Variants in ITGA1 observed in about 807,000 individuals in gnomAD.
The protein encoded by ITGA1 is integrin alpha-1.
ITGA1 carries 85 observed loss-of-function variants against 145.9 expected under a neutral mutation model. The observed-to-expected ratio is 0.58, with a 90% CI of 0.49 to 0.70. The LOEUF (loss-of-function observed/expected upper bound fraction) is 0.70, where lower values mean the gene tolerates loss of function less well. ITGA1 is among the 30% of genes least tolerant of loss of function. ITGA1 has a pLI of 0.00. For synonymous variants in ITGA1, 520 were observed against 495.3 expected, an observed-to-expected ratio of 1.05 and a Z score of -0.66; for missense variants, 1,351 against 1,418.7, an observed-to-expected ratio of 0.95 and a Z score of 0.77.
chr5:52,806,215 TGTAAAA>T (rs545136209), intron 1 of ITGA1, among the ~76,000 whole-genome samples: 160 of 111,458 alleles, frequency 1.4e-3, no homozygotes, highest in African/African-American at 6.2e-3. Flanking sequence ...AGAAATTTAG[TGTAAAA>T]GTGTTACACA....
At chr5:52,793,812 T>C (rs951943144) in intron 1 of ITGA1, among the ~76,000 whole-genome samples, 19 of 152,028 alleles carry the variant, frequency 1.2e-4, no homozygotes, top group Admixed American at 8.5e-4. Flanking sequence ...AAATGCTCTA[T>C]CTTTAGAAGA....
intron 1 of ITGA1, among the ~76,000 whole-genome samples, chr5:52,809,803 T>G (rs1748657347): frequency 6.6e-6 from 1 of 152,130 alleles, no homozygotes. Flanking sequence ...GCACCTGGCC[T>G]CAACTTCACT....
chr5:52,867,891 A>G (rs1197594178), intron 6 of ITGA1, among the ~76,000 whole-genome samples: 1 of 151,948 alleles, frequency 6.6e-6, no homozygotes, highest in East Asian at 1.9e-4. Context: ...GAAGCTTCAG[A>G]GCCAGTACCA....
intron 1 of ITGA1, among the ~76,000 whole-genome samples, chr5:52,810,690 A>G (rs1748671136): frequency 6.6e-6 from 1 of 152,218 alleles, no homozygotes; most frequent in Non-Finnish European, 1.5e-5. Context: ...GTAGGTTTTC[A>G]AGAGAATGAG....
At chr5:52,832,420 G>T (rs971094830) in intron 1 of ITGA1, among the ~76,000 whole-genome samples, 2 of 152,150 alleles carry the variant, frequency 1.3e-5, no homozygotes, top group Non-Finnish European at 2.9e-5. Context: ...GAGTAGAATA[G>T]ATGCCAAAAA....
chr5:52,826,576 T>C (rs1580050049), intron 1 of ITGA1, among the ~76,000 whole-genome samples: 1 of 152,294 alleles, frequency 6.6e-6, no homozygotes, highest in South Asian at 2.1e-4. Flanking sequence ...GAGAAGTCAG[T>C]CTGGATTCAA....
chr5:52,890,998 C>G (rs1020188008), intron 8 of ITGA1, among the ~76,000 whole-genome samples: 1 of 152,092 alleles, frequency 6.6e-6, no homozygotes. Context: ...CAGTGCTTGG[C>G]TTATTTCATT....
Position 52,925,485 on chromosome 5 carries a change from G to A in ITGA1, c.2611G>A (p.Glu871Lys), listed in dbSNP as rs144704588. 58 of 1,605,986 alleles carry A rather than the reference G, an allele frequency of 3.6e-5. No homozygotes were observed. Among genetic ancestry groups the A allele is most frequent in the Non-Finnish European group, 4.9e-5 (58 of 1,172,874 alleles). ...TCCAAATCTAGTTTTTTCAGGAATTGAGGTAAACTTCCAGTTTTTCATTTA... is the reference window on the plus strand; with the variant it reads ...TCCAAATCTAGTTTTTTCAGGAATTAAGGTAAACTTCCAGTTTTTCATTTA... ...YSPNLVFSGI[E>K]AIQKDSCESN... is the part of the protein sequence containing the mutation. The change falls in exon 19 of 29, where the codon GAG becomes AAG. Residue 871 changes from glutamate to lysine, a missense_variant and splice_region_variant. Coordinates refer to ENST00000282588, the MANE Select transcript of ITGA1 (RefSeq NM_181501.2).
At chr5:52,908,627 G>A (rs1020726553) in intron 12 of ITGA1, among the ~76,000 whole-genome samples, 1 of 152,216 alleles carries the variant, frequency 6.6e-6, no homozygotes, top group African/African-American at 2.4e-5. Context: ...AGAAAGAGAG[G>A]TTAGAGTGAA....
At chr5:52,885,176 C>G (rs77190702) in intron 7 of ITGA1, among the ~76,000 whole-genome samples, 1 of 152,148 alleles carries the variant, frequency 6.6e-6, no homozygotes, top group South Asian at 2.1e-4. Flanking sequence ...ACCTGTTCAG[C>G]AACCTGGAAA....
At position 52,841,175 on chromosome 5, in the gene ITGA1, G is replaced by T. The variant is rs545332881; in HGVS notation, c.62-8190G>T. Among the ~76,000 whole-genome samples, 4 of 152,292 alleles carry T rather than the reference G, an allele frequency of 2.6e-5. No homozygotes were observed. The South Asian group carries it at 8.3e-4, about 32-fold the overall frequency. ...ACATATTACATCATTTCTGATGAAA[G>T]AATTTTAGTAAGATTTCTTGAGCCA... On this transcript the variant is annotated intron_variant, in intron 1 of 28. Coordinates refer to ENST00000282588, the MANE Select transcript of ITGA1 (RefSeq NM_181501.2).
At position 52,849,413 on chromosome 5, in the gene ITGA1, T is replaced by C; in HGVS notation, c.110T>C (p.Met37Thr). The C allele has an allele frequency of 3.1e-6, 5 of 1,612,486 alleles. No homozygotes were observed. Among genetic ancestry groups the C allele is most frequent in the Non-Finnish European group, 4.2e-6 (5 of 1,179,370 alleles). The change falls in exon 2 of 29, where the codon ATG (methionine) becomes ACG (threonine). Residue 37 changes from methionine to threonine, a missense_variant. Transcript: ENST00000282588. The part of the protein sequence containing the change: ...VSFNVDVKNS[M>T]TFSGPVEDMF... ...TTCAATGTTGATGTGAAAAATTCAATGACTTTCAGCGGCCCGGTGGAAGAC... is the reference window on the plus strand; with the variant it reads ...TTCAATGTTGATGTGAAAAATTCAACGACTTTCAGCGGCCCGGTGGAAGAC...
At chr5:52,935,339 T>C (rs932661270) in intron 23 of ITGA1, among the ~76,000 whole-genome samples, 9 of 152,130 alleles carry the variant, frequency 5.9e-5, no homozygotes, top group African/African-American at 2.2e-4. Context: ...TTAACAATAT[T>C]ATTTATAATA....
At chr5:52,941,250 G>A (rs1045131804) in intron 26 of ITGA1, among the ~76,000 whole-genome samples, 1 of 152,120 alleles carries the variant, frequency 6.6e-6, no homozygotes, top group East Asian at 1.9e-4. Context: ...ATGACCGCAC[G>A]TGTCTTTTTG....
At chr5:52,944,591 A>G (rs10071067) in intron 26 of ITGA1, among the ~76,000 whole-genome samples, 4,117 of 152,300 alleles carry the variant, frequency 0.027, 195 homozygotes, top group African/African-American at 0.094. Flanking sequence ...TTAATCCTAA[A>G]TAAGTGCCTA....
chr5:52,809,211 G>A (rs780810933), intron 1 of ITGA1, among the ~76,000 whole-genome samples: 3 of 152,088 alleles, frequency 2.0e-5, no homozygotes, highest in Non-Finnish European at 4.4e-5. Flanking sequence ...CTATGTGACA[G>A]GGACTCTAAT....
chr5:52,927,948 A>G (rs1750836799), intron 20 of ITGA1, among the ~76,000 whole-genome samples: 1 of 152,104 alleles, frequency 6.6e-6, no homozygotes, highest in African/African-American at 2.4e-5. Flanking sequence ...GTGTCCTCAT[A>G]CGAGAGGCTT....
intron 3 of ITGA1, among the ~76,000 whole-genome samples, chr5:52,863,412 A>G (rs1483456586): frequency 6.9e-6 from 1 of 145,182 alleles, no homozygotes; most frequent in Non-Finnish European, 1.5e-5. Flanking sequence ...CTTTTTATTC[A>G]GTACAGTAAG....
chr5:52,835,758 T>G (rs1378844124), intron 1 of ITGA1, among the ~76,000 whole-genome samples: 1 of 152,208 alleles, frequency 6.6e-6, no homozygotes, highest in Non-Finnish European at 1.5e-5. Context: ...ATTGGTTCGT[T>G]TGTTCTAATT....
Sources: allele counts gnomAD v4.1 joint callset (sites outside exome capture counted in the v4.1 genomes callset), GRCh38; gene constraint gnomAD v4.1.1; transcripts MANE v1.5; gene names NCBI Gene and HGNC (gene_info 2026-07-23, HGNC 2026-07-21).